Variants in SDK1 observed in about 807,000 individuals in gnomAD.
SDK1 encodes protein sidekick-1.
In SDK1, 157 loss-of-function variants were observed where a neutral mutation model predicts 245.5. That is an observed-to-expected ratio of 0.64 (90% CI 0.56 to 0.73). The LOEUF (loss-of-function observed/expected upper bound fraction) is 0.73. SDK1 is among the 30% of genes least tolerant of loss of function. SDK1 has a pLI of 0.00. For synonymous variants in SDK1, 1,647 were observed against 1,278.5 expected, an observed-to-expected ratio of 1.29 and a Z score of -6.15; for missense variants, 3,583 against 3,002.3, an observed-to-expected ratio of 1.19 and a Z score of -4.52.
At chr7:3,934,726 G>T (rs192788056) in intron 5 of SDK1, among the ~76,000 whole-genome samples, 3 of 152,370 alleles carry the variant, frequency 2.0e-5, no homozygotes, top group African/African-American at 4.8e-5. Context: ...GGCTGAAAGA[G>T]ATGGGCTCTT....
At chr7:3,961,877 A>G (rs925214718) in intron 8 of SDK1, among the ~76,000 whole-genome samples, 3 of 152,174 alleles carry the variant, frequency 2.0e-5, no homozygotes, top group Non-Finnish European at 2.9e-5. Context: ...ACACATAGAA[A>G]CACATGTACA....
chr7:4,140,681 C>T (rs915606579), intron 28 of SDK1, among the ~76,000 whole-genome samples: 1 of 152,156 alleles, frequency 6.6e-6, no homozygotes, highest in African/African-American at 2.4e-5. Flanking sequence ...CCCAGCCCCT[C>T]CTTGCCTGCA....
In SDK1 at chr7:3,354,278, C is replaced by T. The variant is rs1780736449; in HGVS notation, c.298+52394C>T. 2.0e-5 allele frequency among the ~76,000 whole-genome samples: 3 copies of T among 151,744 alleles called. No homozygotes were observed. In the South Asian group the frequency reaches 6.2e-4, roughly 32 times the overall value. On this transcript the variant is annotated intron_variant, in intron 1 of 44. Transcript: ENST00000404826. ...CTCCCAAAGTGCTGGGATTACAGCG[C>T]CTGGCCTGACCATTTTTCATTTAAC...
Position 4,041,669 on chromosome 7 carries a change from C to A in SDK1, c.2603-7679C>A, listed in dbSNP as rs907318934. On this transcript the variant is annotated intron_variant, in intron 17 of 44. Coordinates refer to ENST00000404826, the MANE Select transcript of SDK1 (RefSeq NM_152744.4). ...GCTGTCTCCATAGTTTGACCTTTTC[C>A]AAAATGTCATATGTAGTTGGAATCA... Among the ~76,000 whole-genome samples the A allele has an allele frequency of 1.1e-4, 15 of 138,628 alleles. 3 individuals carry two copies. Among genetic ancestry groups the A allele is most frequent in the Non-Finnish European group, 2.0e-4 (13 of 66,286 alleles). The allele number at this position is 138,628 out of a possible 152,430, so 90.9% of individuals were successfully genotyped here. A position where few individuals can be genotyped will look rare whatever the true frequency, so the allele number is the denominator to read the frequency against.
At chr7:3,465,706 A>T (rs1780978700) in intron 1 of SDK1, among the ~76,000 whole-genome samples, 1 of 152,130 alleles carries the variant, frequency 6.6e-6, no homozygotes, top group African/African-American at 2.4e-5. Context: ...ATGATCATTC[A>T]GGCGCGTGTC....
Position 4,129,958 on chromosome 7 carries a change from G to A in SDK1, c.3990G>A (p.Val1330=). The A allele has an allele frequency of 1.9e-6, 3 of 1,613,830 alleles. No homozygotes were observed. The highest frequency in any genetic ancestry group is 2.5e-6 in the Non-Finnish European group (3 of 1,179,954). ...DLDPEPRSHI[V]RGNHTQSALL... ...ATCCCGAGCCCAGGAGCCACATCGT[G>A]CGAGGGAACCACACGCAGTCGGCCC... The change falls in exon 27 of 45, where the codon GTG becomes GTA. Residue 1330 remains valine (V), a synonymous_variant. Coordinates refer to ENST00000404826, the MANE Select transcript of SDK1 (RefSeq NM_152744.4).
intron 5 of SDK1, among the ~76,000 whole-genome samples, chr7:3,933,383 G>T (rs927451548): frequency 6.6e-6 from 1 of 152,160 alleles, no homozygotes; most frequent in Non-Finnish European, 1.5e-5. Context: ...ATAATGCTGG[G>T]ATTACAGGTG....
intron 5 of SDK1, among the ~76,000 whole-genome samples, chr7:3,900,541 C>T (rs1187745350): frequency 6.6e-6 from 1 of 152,176 alleles, no homozygotes; most frequent in Non-Finnish European, 1.5e-5. Flanking sequence ...TAGAATTTCT[C>T]CTTCAGAAAT....
intron 4 of SDK1, among the ~76,000 whole-genome samples, chr7:3,778,273 A>G (rs1437161917): frequency 2.0e-5 from 3 of 152,170 alleles, no homozygotes; most frequent in Admixed American, 2.0e-4. Context: ...ATATTTTAAT[A>G]GTAGTTTCCT....
chr7:3,969,568 A>T (rs1237090767), intron 11 of SDK1, 144 bp downstream of exon 11: 27 of 563,178 alleles, frequency 4.8e-5, no homozygotes, highest in Non-Finnish European at 6.8e-5. Context: ...AATTTATAGA[A>T]ATCTGTTGAG....
intron 14 of SDK1, among the ~76,000 whole-genome samples, chr7:3,994,173 A>G (rs1285053181): frequency 6.6e-6 from 1 of 152,160 alleles, no homozygotes; most frequent in East Asian, 1.9e-4. Context: ...CCTTTGACCC[A>G]CACACCATAA....
intron 28 of SDK1, among the ~76,000 whole-genome samples, chr7:4,136,905 C>T (rs1044394300): frequency 1.3e-5 from 2 of 152,230 alleles, no homozygotes; most frequent in Admixed American, 6.5e-5. Flanking sequence ...GCTGCAAAAC[C>T]CACAGGCCAC....
chr7:3,853,530 A>T (rs370034957), intron 5 of SDK1, among the ~76,000 whole-genome samples: 1 of 152,204 alleles, frequency 6.6e-6, no homozygotes. Flanking sequence ...TATATCCCTT[A>T]TTCAAAATTC....
intron 1 of SDK1, among the ~76,000 whole-genome samples, chr7:3,491,777 G>T (rs1037204482): frequency 6.6e-6 from 1 of 152,104 alleles, no homozygotes; most frequent in Admixed American, 6.5e-5. Context: ...TACAAATTTC[G>T]TTGGCAAGAC....
intron 4 of SDK1, among the ~76,000 whole-genome samples, chr7:3,732,145 T>C (rs1321712011): frequency 6.6e-6 from 1 of 152,236 alleles, no homozygotes; most frequent in Non-Finnish European, 1.5e-5. Flanking sequence ...TAGCAGTGAC[T>C]ACACAGAGTT....
intron 1 of SDK1, among the ~76,000 whole-genome samples, chr7:3,321,711 C>T (rs867631851): frequency 1.6e-4 from 8 of 50,152 alleles, no homozygotes; most frequent in African/African-American, 5.9e-4. Flanking sequence ...TCCTCCTCCC[C>T]CTCCCTCTCC....
intron 17 of SDK1, among the ~76,000 whole-genome samples, chr7:4,041,587 A>T (rs12155028): frequency 6.6e-6 from 1 of 150,878 alleles, no homozygotes; most frequent in African/African-American, 2.5e-5. Context: ...CAAAACCCCC[A>T]TGCTCCTCCT....
At chr7:4,044,746 G>C (rs543611326) in intron 17 of SDK1, among the ~76,000 whole-genome samples, 3 of 152,234 alleles carry the variant, frequency 2.0e-5, no homozygotes, top group African/African-American at 7.2e-5. Flanking sequence ...TGCCCTGCCT[G>C]CAGCATGTTT....
intron 14 of SDK1, among the ~76,000 whole-genome samples, chr7:3,993,563 T>TTAG (rs1322081504): frequency 2.0e-5 from 3 of 152,254 alleles, no homozygotes. Flanking sequence ...TACTTTTTAT[T>TTAG]ATTCTAGTTA....
Sources: gnomAD v4.1 joint callset for allele counts (sites outside exome capture counted in the v4.1 genomes callset) on GRCh38, gnomAD v4.1.1 for gene constraint, MANE v1.5 for transcripts, NCBI Gene and HGNC (gene_info 2026-07-23, HGNC 2026-07-21) for gene names.